Variants in CHST2 observed in about 807,000 individuals in gnomAD.
CHST2 encodes the protein N-acetylglucosamine 6-O-sulfotransferase 1.
A neutral mutation model predicts 34.6 loss-of-function variants in CHST2; 23 were observed. That is an observed-to-expected ratio of 0.67 (90% CI 0.48 to 0.94). The LOEUF (loss-of-function observed/expected upper bound fraction) is 0.94. Among genes scored for constraint, CHST2 ranks in the 40% least tolerant of loss-of-function variants. The pLI, the probability that CHST2 is intolerant of heterozygous loss-of-function variation, is 0.00. For missense variants in CHST2, 720 were observed against 759.5 expected (o/e 0.95, Z 0.61); for synonymous variants, 392 against 343.1 (o/e 1.14, Z -1.58).
chr3:143,123,395 A>G lies in CHST2; in HGVS notation c.*986A>G, dbSNP rs747888275. On this transcript the variant is annotated 3_prime_UTR_variant, in exon 2 of 2. Coordinates refer to ENST00000309575, the MANE Select transcript of CHST2 (RefSeq NM_004267.5). ...AAAAGGATTTTTAAAAAAAGTATGT[A>G]ATTTTTAAAAGTTCTGATGATTAGA... is the stretch of plus-strand genomic sequence containing the variant. The G allele has an allele frequency of 2.6e-5, 4 of 152,336 alleles. No individual in the cohort carries two copies. Among genetic ancestry groups the G allele is most frequent in the East Asian group, 1.9e-4 (1 of 5,186 alleles). The allele number at this position is 152,336 out of a possible 1,614,324, so 9.4% of individuals were successfully genotyped here.
In CHST2 at chr3:143,120,948, C is replaced by T; in HGVS notation, c.132C>T (p.Ser44=). 1 of 1,534,208 alleles carries T rather than the reference C, an allele frequency of 6.5e-7. No individual in the cohort carries two copies. Among genetic ancestry groups the T allele is most frequent in the Middle Eastern group, 2.3e-4 (1 of 4,308 alleles). Residue 44 remains serine, a synonymous_variant, in exon 2 of 2, where the codon TCC becomes TCT. Coordinates refer to ENST00000309575, the MANE Select transcript of CHST2 (RefSeq NM_004267.5). The surrounding 1 kb of genome is among the most constrained non-coding windows in gnomAD (Gnocchi z 4.1). ...GCCCAGGACGCCGCTGGCCCGCGTCCCCTCTCGGAATGAAGGTGTTCCGTA... is the reference window on the plus strand; with the variant it reads ...GCCCAGGACGCCGCTGGCCCGCGTCTCCTCTCGGAATGAAGGTGTTCCGTA... ...PRRPGRRWPA[S]PLGMKVFRRK...
chr3:143,123,969 CAG>C lies in CHST2; in HGVS notation c.*1561_*1562del, dbSNP rs1936266184. On this transcript the variant is annotated 3_prime_UTR_variant, in exon 2 of 2. Transcript: ENST00000309575. ...GTGAAGCCCAAATGGGAACAAGAGACAGTGTAGTTGTATATGACAGTAAATAC... is the reference window on the plus strand; with the variant it reads ...GTGAAGCCCAAATGGGAACAAGAGACTGTAGTTGTATATGACAGTAAATAC... 1 of 152,172 alleles carries C rather than the reference CAG, an allele frequency of 6.6e-6. No individual in the cohort carries two copies. Among genetic ancestry groups the C allele is most frequent in the South Asian group, 2.1e-4 (1 of 4,834 alleles). The allele number at this position is 152,172 out of a possible 1,614,324, so 9.4% of individuals were successfully genotyped here.
Position 143,120,971 on chromosome 3 carries a change from G to A in CHST2, c.155G>A (p.Arg52His). 6.5e-7 allele frequency: 1 copy of A among 1,541,938 alleles called. No individual in the cohort carries two copies. The change falls in exon 2 of 2, where the codon CGT becomes CAT. Residue 52 changes from arginine (R) to histidine (H), a missense_variant. By Grantham distance (29) the Arg-to-His change is conservative. Coordinates refer to ENST00000309575, the MANE Select transcript of CHST2 (RefSeq NM_004267.5). The surrounding 1 kb of genome is among the most constrained non-coding windows in gnomAD (Gnocchi z 4.1). ...TCCCCTCTCGGAATGAAGGTGTTCC[G>A]TAGGAAGGCGCTGGTGTTGTGCGCG... ...PASPLGMKVFRRKALVLCAGY... is the reference protein window; with the variant it reads ...PASPLGMKVFHRKALVLCAGY...
In CHST2 at chr3:143,121,365, A is replaced by G. The variant is rs146718778; in HGVS notation, c.549A>G (p.Leu183=). Residue 183 remains leucine, a synonymous_variant, in exon 2 of 2, where the codon CTA becomes CTG. Coordinates refer to ENST00000309575, the MANE Select transcript of CHST2 (RefSeq NM_004267.5). ...WRSGSSFFGE[L]FNQNPEVFFL... is the part of the protein sequence containing the mutation. The stretch of plus-strand genomic sequence containing the variant: ...CTGGCTCGTCGTTCTTCGGCGAGCT[A>G]TTCAACCAGAATCCCGAGGTGTTCT... 3.2e-4 allele frequency: 521 copies of G among 1,613,650 alleles called. 1 individual carries two copies. The African/African-American group carries it at 6.0e-3, about 19-fold the overall frequency.
Position 143,121,043 on chromosome 3 carries a change from A to G in CHST2, c.227A>G (p.Tyr76Cys). ...CTCACTATGCTCAACCTCCTGGACT[A>G]CAAGTGGCACAAGGAGCCGCTGCAG... ...LVLTMLNLLD[Y>C]KWHKEPLQQC... Residue 76 changes from tyrosine to cysteine, a missense_variant, in exon 2 of 2, where the codon TAC becomes TGC. Tyr to Cys is a radical substitution (Grantham distance 194, BLOSUM62 -2). Coordinates refer to ENST00000309575, the MANE Select transcript of CHST2 (RefSeq NM_004267.5). 4 of 1,524,718 alleles carry G rather than the reference A, an allele frequency of 2.6e-6. No individual in the cohort carries two copies. The highest frequency in any genetic ancestry group is 3.5e-6 in the Non-Finnish European group (4 of 1,137,184). 94.4% of individuals were successfully genotyped at this position (1,524,718 alleles called of 1,614,324 possible).
rs1936219322 is a variant in CHST2, at chr3:143,121,569, C to T, written c.753C>T (p.Gly251=). ...ACCTCACCACGCTGGGCATCTTCGGCGCAGCCACCAACAAGGTGGTGTGCT... is the reference window on the plus strand; with the variant it reads ...ACCTCACCACGCTGGGCATCTTCGGTGCAGCCACCAACAAGGTGGTGTGCT... ...GRNLTTLGIF[G]AATNKVVCSS... The change falls in exon 2 of 2, where the codon GGC becomes GGT. Residue 251 remains glycine (G), a synonymous_variant. Coordinates refer to ENST00000309575, the MANE Select transcript of CHST2 (RefSeq NM_004267.5). The T allele has an allele frequency of 6.2e-7, 1 of 1,609,518 alleles. No homozygotes were observed. Among genetic ancestry groups the T allele is most frequent in the Non-Finnish European group, 8.5e-7 (1 of 1,177,654 alleles).
rs530880972 is a variant in CHST2, at chr3:143,121,162, G to T, written c.346G>T (p.Ala116Ser). ...GCCGCCTCCGGCCGGGCCGCCCCGT[G>T]CTCATGCCCGTTTGGACCTCCGCAC... Reference protein sequence around the residue: ...PGPPPAGPPRAHARLDLRTPY... With the variant: ...PGPPPAGPPRSHARLDLRTPY... Residue 116 changes from alanine to serine, a missense_variant, in exon 2 of 2, where the codon GCT becomes TCT. Coordinates refer to ENST00000309575, the MANE Select transcript of CHST2 (RefSeq NM_004267.5). 2.0e-6 allele frequency: 3 copies of T among 1,491,750 alleles called. No individual in the cohort carries two copies. The highest frequency in any genetic ancestry group is 4.8e-5 in the Admixed American group (2 of 41,674). The allele number at this position is 1,491,750 out of a possible 1,614,324, so 92.4% of individuals were successfully genotyped here. A position where few individuals can be genotyped will look rare whatever the true frequency, so the allele number is the denominator to read the frequency against.
Position 143,122,272 on chromosome 3 carries a change from G to T in CHST2, c.1456G>T (p.Ala486Ser). 6.2e-7 allele frequency: 1 copy of T among 1,614,060 alleles called. No individual in the cohort carries two copies. Among genetic ancestry groups the T allele is most frequent in the South Asian group, 1.1e-5 (1 of 91,080 alleles). Residue 486 changes from alanine to serine, a missense_variant, in exon 2 of 2, where the codon GCC becomes TCC. This residue lies in a region of CHST2 where 224 missense variants were observed against 227.8 expected (regional missense o/e 0.98). Transcript: ENST00000309575. ...ATQAANAWRT[A>S]LTFQQIKQVE... Reference sequence around the variant, plus strand: ...GCAGGCCGCCAATGCCTGGCGGACCGCCCTCACCTTCCAGCAGATCAAACA... The same window carrying T: ...GCAGGCCGCCAATGCCTGGCGGACCTCCCTCACCTTCCAGCAGATCAAACA...
In CHST2 at chr3:143,122,730, A is replaced by G. The variant is rs1936248982; in HGVS notation, c.*321A>G. The G allele has an allele frequency of 4.4e-6, 1 of 229,410 alleles. No homozygotes were observed. The highest frequency in any genetic ancestry group is 5.8e-5 in the Admixed American group (1 of 17,248). 14.2% of individuals were successfully genotyped at this position (229,410 alleles called of 1,614,324 possible). On this transcript the variant is annotated 3_prime_UTR_variant, in exon 2 of 2. Coordinates refer to ENST00000309575, the MANE Select transcript of CHST2 (RefSeq NM_004267.5). ...GCCTTCCATTTTGAAGTGGGATGTT[A>G]ATGAAATCAAGTTCCAGTAACCCAA...
Position 143,120,952 on chromosome 3 carries a change from C to G in CHST2, c.136C>G (p.Leu46Val). ...RPGRRWPASPLGMKVFRRKAL... is the reference protein window; with the variant it reads ...RPGRRWPASPVGMKVFRRKAL... ...AGGACGCCGCTGGCCCGCGTCCCCT[C>G]TCGGAATGAAGGTGTTCCGTAGGAA... The change falls in exon 2 of 2, where the codon CTC becomes GTC. Residue 46 changes from leucine to valine, a missense_variant. This residue lies in a region of CHST2 where 287 missense variants were observed against 242.7 expected (regional missense o/e 1.18). Transcript: ENST00000309575. This position sits in a 1 kb window ranked among gnomAD's most constrained non-coding sequence, Gnocchi z 4.1. 1 of 1,536,280 alleles carries G rather than the reference C, an allele frequency of 6.5e-7. No individual in the cohort carries two copies. Among genetic ancestry groups the G allele is most frequent in the Non-Finnish European group, 8.8e-7 (1 of 1,142,830 alleles).
At position 143,121,204 on chromosome 3, in the gene CHST2, G is replaced by A. The variant is rs1480073821; in HGVS notation, c.388G>A (p.Ala130Thr). Residue 130 changes from alanine to threonine, a missense_variant, in exon 2 of 2, where the codon GCT becomes ACT. By Grantham distance (58) the Ala-to-Thr change is moderately conservative. Around this residue, in one of 4 missense-constraint regions of CHST2, gnomAD observed 287 missense variants for 242.7 expected, o/e 1.18. Transcript: ENST00000309575. The part of the protein sequence containing the change: ...LDLRTPYRPP[A>T]AAVGAAPAAA... ...CCTCCGCACTCCTTACCGCCCTCCC[G>A]CTGCCGCCGTCGGGGCGGCTCCTGC... 6.4e-7 allele frequency: 1 copy of A among 1,561,494 alleles called. No homozygotes were observed. Among genetic ancestry groups the A allele is most frequent in the Non-Finnish European group, 8.6e-7 (1 of 1,158,668 alleles).
chr3:143,121,917 CT>C lies in CHST2; in HGVS notation c.1103del (p.Phe368SerfsTer80). On this transcript the variant is annotated frameshift_variant, in exon 2 of 2. Transcript: ENST00000309575. LOFTEE classifies it high-confidence loss of function. Reference sequence around the variant, plus strand: ...GAGACCCGCGAGCTCACCGCATGCCCTTCTTGGAGGCCGCGGGCCACAAGCT... The same window carrying C: ...GAGACCCGCGAGCTCACCGCATGCCCTCTTGGAGGCCGCGGGCCACAAGCT... ...SRDPRAHRMPFLEAAGHKLGA... is the reference protein window; with the variant it reads ...SRDPRAHRMPXLEAAGHKLGA... 2 of 1,578,766 alleles carry C rather than the reference CT, an allele frequency of 1.3e-6. No individual in the cohort carries two copies. The highest frequency in any genetic ancestry group is 8.6e-7 in the Non-Finnish European group (1 of 1,161,430).
rs1167782753 is a variant in CHST2, at chr3:143,122,580, A to G, written c.*171A>G. ...TCAATGTTTTGAGTCAGTGCATTTC[A>G]AGGAACAGCCACAAAATACACACCC... On this transcript the variant is annotated 3_prime_UTR_variant, in exon 2 of 2. Coordinates refer to ENST00000309575, the MANE Select transcript of CHST2 (RefSeq NM_004267.5). 2.9e-6 allele frequency: 2 copies of G among 678,030 alleles called. No individual in the cohort carries two copies. Among genetic ancestry groups the G allele is most frequent in the African/African-American group, 3.7e-5 (2 of 53,736 alleles). The allele number at this position is 678,030 out of a possible 1,614,324, so 42.0% of individuals were successfully genotyped here. A position where few individuals can be genotyped will look rare whatever the true frequency, so the allele number is the denominator to read the frequency against.
rs1356317574 is a variant in CHST2, at chr3:143,121,885, C to A, written c.1069C>A (p.Arg357Ser). Residue 357 changes from arginine to serine, a missense_variant, in exon 2 of 2, where the codon CGC (arginine) becomes AGC (serine). Around this residue, in one of 4 missense-constraint regions of CHST2, gnomAD observed 166 missense variants for 211.4 expected, o/e 0.79. Coordinates refer to ENST00000309575, the MANE Select transcript of CHST2 (RefSeq NM_004267.5). ...CATCCGTGAGAGCCTACAGGTGGTG[C>A]GCAGCCGAGACCCGCGAGCTCACCG... ...GLIRESLQVV[R>S]SRDPRAHRMP... The A allele has an allele frequency of 6.3e-7, 1 of 1,577,546 alleles. No individual in the cohort carries two copies. The highest frequency in any genetic ancestry group is 8.6e-7 in the Non-Finnish European group (1 of 1,159,172).
In CHST2 at chr3:143,121,279, C is replaced by T. The variant is rs768389659; in HGVS notation, c.463C>T (p.Arg155Trp). The T allele has an allele frequency of 3.1e-6, 5 of 1,607,588 alleles. No individual in the cohort carries two copies. The highest frequency in any genetic ancestry group is 4.5e-5 in the East Asian group (2 of 44,816). ...TGCGGCCCCTCCAGGCAATGGCACT[C>T]GGGGCACCGGGGGCGTCGGGGACAA... ...GVAAPPGNGT[R>W]GTGGVGDKRQ... The change falls in exon 2 of 2, where the codon CGG (arginine) becomes TGG (tryptophan). Residue 155 changes from arginine (R) to tryptophan (W), a missense_variant. By Grantham distance (101) the Arg-to-Trp change is moderately radical. Transcript: ENST00000309575.
In CHST2 at chr3:143,121,904, C is replaced by G. The variant is rs1440084869; in HGVS notation, c.1088C>G (p.Ala363Gly). The G allele has an allele frequency of 6.3e-7, 1 of 1,577,550 alleles. No individual in the cohort carries two copies. Among genetic ancestry groups the G allele is most frequent in the Non-Finnish European group, 8.6e-7 (1 of 1,159,806 alleles). The change falls in exon 2 of 2, where the codon GCT becomes GGT. Residue 363 changes from alanine to glycine, a missense_variant. Physicochemically the swap from Ala to Gly is moderately conservative, Grantham distance 60. This residue lies in a region of CHST2 where 224 missense variants were observed against 227.8 expected (regional missense o/e 0.98). Transcript: ENST00000309575. ...GTGGTGCGCAGCCGAGACCCGCGAGCTCACCGCATGCCCTTCTTGGAGGCC... is the reference window on the plus strand; with the variant it reads ...GTGGTGCGCAGCCGAGACCCGCGAGGTCACCGCATGCCCTTCTTGGAGGCC... ...LQVVRSRDPRAHRMPFLEAAG... is the reference protein window; with the variant it reads ...LQVVRSRDPRGHRMPFLEAAG...
In CHST2 at chr3:143,121,947, C is replaced by G. The variant is rs771646026; in HGVS notation, c.1131C>G (p.Gly377=). Reference sequence around the variant, plus strand: ...TGGAGGCCGCGGGCCACAAGCTTGGCGCCAAGAAGGAGGGCGTGGGCGGCC... The same window carrying G: ...TGGAGGCCGCGGGCCACAAGCTTGGGGCCAAGAAGGAGGGCGTGGGCGGCC... The part of the protein sequence containing the change: ...PFLEAAGHKL[G]AKKEGVGGPA... The change falls in exon 2 of 2, where the codon GGC becomes GGG. Residue 377 remains glycine, a synonymous_variant. Coordinates refer to ENST00000309575, the MANE Select transcript of CHST2 (RefSeq NM_004267.5). The G allele has an allele frequency of 6.3e-7, 1 of 1,579,920 alleles. No individual in the cohort carries two copies. Among genetic ancestry groups the G allele is most frequent in the East Asian group, 2.2e-5 (1 of 44,508 alleles).
rs1446369231 is a variant in CHST2, at chr3:143,122,663, C to T, written c.*254C>T. The T allele has an allele frequency of 5.4e-6, 2 of 371,004 alleles. No individual in the cohort carries two copies. Among genetic ancestry groups the T allele is most frequent in the Admixed American group, 4.5e-5 (1 of 22,416 alleles). 23.0% of individuals were successfully genotyped at this position (371,004 alleles called of 1,614,324 possible). ...AGGTGCCCCTCTTCTTCTTTGCCTTCTCTTGTCCTCTTTCTCCTATTTCTT... is the reference window on the plus strand; with the variant it reads ...AGGTGCCCCTCTTCTTCTTTGCCTTTTCTTGTCCTCTTTCTCCTATTTCTT... On this transcript the variant is annotated 3_prime_UTR_variant, in exon 2 of 2. Coordinates refer to ENST00000309575, the MANE Select transcript of CHST2 (RefSeq NM_004267.5).
Position 143,122,136 on chromosome 3 carries a change from C to T in CHST2, c.1320C>T (p.Tyr440=), listed in dbSNP as rs372342800. The change falls in exon 2 of 2, where the codon TAC becomes TAT. Residue 440 remains tyrosine (Y), a synonymous_variant. Transcript: ENST00000309575. ...GDPVKTLRRV[Y]DFVGLLVSPE... ...CCGTCAAGACACTACGGAGAGTGTA[C>T]GATTTTGTGGGACTGTTGGTGAGCC... is the stretch of plus-strand genomic sequence containing the variant. 20 of 1,614,080 alleles carry T rather than the reference C, an allele frequency of 1.2e-5. No homozygotes were observed. The highest frequency in any genetic ancestry group is 1.6e-5 in the Non-Finnish European group (19 of 1,180,036).
Sources: allele counts gnomAD v4.1 joint callset, GRCh38; gene constraint gnomAD v4.1.1; regional missense constraint gnomAD v4.1.1; non-coding constraint Gnocchi (gnomAD v3.1); transcripts MANE v1.5; gene names NCBI Gene and HGNC (gene_info 2026-07-23, HGNC 2026-07-21).